The following CARF variants were observed in gnomAD, a reference collection of about 807,000 sequenced individuals.
CARF encodes calcium responsive transcription factor.
A neutral mutation model predicts 82.0 loss-of-function variants in CARF; 57 were observed. That is an observed-to-expected ratio of 0.70 (90% CI 0.56 to 0.87). The LOEUF (loss-of-function observed/expected upper bound fraction) is 0.87. Among genes scored for constraint, CARF ranks in the 40% least tolerant of loss-of-function variants. The probability of loss-of-function intolerance (pLI) is 0.00; values close to 1 mark genes in which losing one functional copy is unlikely to be tolerated. For synonymous variants in CARF, 268 were observed against 290.1 expected (o/e 0.92, Z 0.77); for missense variants, 771 against 855.8 (o/e 0.90, Z 1.24).
chr2:202,957,048 C>CA (rs2059084618), intron 8 of CARF, among the ~76,000 whole-genome samples: 1 of 152,168 alleles, frequency 6.6e-6, no homozygotes, highest in South Asian at 2.1e-4. Flanking sequence ...CTCAGCCTCC[C>CA]AAAGTGCTGG....
chr2:202,974,066 C>T (rs2059926951), intron 12 of CARF, among the ~76,000 whole-genome samples: 1 of 152,016 alleles, frequency 6.6e-6, no homozygotes, highest in African/African-American at 2.4e-5. Context: ...CCAGCCTGGG[C>T]GACAGAGCGA....
At position 202,972,674 on chromosome 2, in the gene CARF, TAAAAAAAAAAAA is replaced by T. The variant is rs35376227; in HGVS notation, c.1331+946_1331+957del. On this transcript the variant is annotated intron_variant, in intron 12 of 16. Transcript: ENST00000438828. ...CCTGGCTACAGAGCGAGACTCCGTC[TAAAAAAAAAAAA>T]AAAAAAAAAGGCAGTGGCAGAACTG... is the stretch of plus-strand genomic sequence containing the variant. Among the ~76,000 whole-genome samples, 385 of 103,012 alleles carry T rather than the reference TAAAAAAAAAAAA, an allele frequency of 3.7e-3. 2 individuals are homozygous for T. In the South Asian group the frequency reaches 0.038, roughly 10 times the overall value. The allele number at this position is 103,012 out of a possible 152,430, so 67.6% of individuals were successfully genotyped here. A position where few individuals can be genotyped will look rare whatever the true frequency, so the allele number is the denominator to read the frequency against.
rs1051779366 is a variant in CARF, at chr2:202,967,173, G to C, written c.953+75G>C. On this transcript the variant is annotated intron_variant, in intron 10 of 16. Transcript: ENST00000438828. ...ATAGCTAATACACATATTTTTATTA[G>C]GTTTATACAGTACCAAAAAGTATAC... is the stretch of plus-strand genomic sequence containing the variant. 5 of 1,475,190 alleles carry C rather than the reference G, an allele frequency of 3.4e-6. No homozygotes were observed. The African/African-American group carries it at 5.7e-5, about 17-fold the overall frequency. The allele number at this position is 1,475,190 out of a possible 1,614,324, so 91.4% of individuals were successfully genotyped here.
intron 3 of CARF, among the ~76,000 whole-genome samples, chr2:202,933,236 T>C (rs1273649109): frequency 6.6e-6 from 1 of 152,126 alleles, no homozygotes; most frequent in Non-Finnish European, 1.5e-5. Flanking sequence ...GTTGGGCCAC[T>C]GGGCTAGTGT....
rs886624895 is a variant in CARF, at chr2:202,971,701, G to T, written c.1294G>T (p.Gly432Ter). The T allele has an allele frequency of 1.9e-6, 3 of 1,613,272 alleles. No homozygotes were observed. The highest frequency in any genetic ancestry group is 2.5e-6 in the Non-Finnish European group (3 of 1,179,522). Residue 432 changes from glycine (G) to a stop codon, truncating the protein, a stop_gained, in exon 12 of 17, where the codon GGA becomes TGA. Coordinates refer to ENST00000438828, the MANE Select transcript of CARF (RefSeq NM_024744.17). LOFTEE classifies it high-confidence loss of function. ...AHKIQELVSQ[G>*]IEQVYAVRKQ... Reference sequence around the variant, plus strand: ...TAAGATTCAAGAATTAGTATCACAGGGAATAGAACAAGTGTATGCAGTAAG... The same window carrying T: ...TAAGATTCAAGAATTAGTATCACAGTGAATAGAACAAGTGTATGCAGTAAG...
At chr2:202,972,954 G>T (rs768777348) in intron 12 of CARF, among the ~76,000 whole-genome samples, 8 of 151,872 alleles carry the variant, frequency 5.3e-5, no homozygotes, top group African/African-American at 1.9e-4. Context: ...AACTTTTTTT[G>T]TAAAAGAAGC....
intron 3 of CARF, among the ~76,000 whole-genome samples, chr2:202,928,637 G>A (rs984703069): frequency 1.3e-5 from 2 of 151,940 alleles, no homozygotes; most frequent in Non-Finnish European, 2.9e-5. Flanking sequence ...GTTATTTTTT[G>A]TCTTTTTGAT....
At chr2:202,953,024 C>CT (rs907541061) in intron 6 of CARF, among the ~76,000 whole-genome samples, 11 of 150,960 alleles carry the variant, frequency 7.3e-5, no homozygotes, top group East Asian at 3.9e-4. Context: ...TTATTTATAT[C>CT]TTTTTTTTTG....
chr2:202,951,148 G>A (rs945134718), intron 5 of CARF, among the ~76,000 whole-genome samples: 2 of 151,924 alleles, frequency 1.3e-5, no homozygotes, highest in East Asian at 1.9e-4. Context: ...CCAGCCTCAA[G>A]TGATCCTCCC....
chr2:202,961,752 C>T, intron 9 of CARF: 1 of 366,766 alleles, frequency 2.7e-6, no homozygotes, highest in Admixed American at 4.3e-5. Flanking sequence ...GTGTTTTTCC[C>T]CTTCAGATTA....
intron 2 of CARF, among the ~76,000 whole-genome samples, chr2:202,921,977 C>CA (rs1461141766): frequency 6.6e-6 from 1 of 151,394 alleles, no homozygotes; most frequent in Non-Finnish European, 1.5e-5. Context: ...TATAGGCACT[C>CA]ACCACCATGC....
At chr2:202,966,471 G>C (rs543239099) in intron 9 of CARF, among the ~76,000 whole-genome samples, 1 of 152,292 alleles carries the variant, frequency 6.6e-6, no homozygotes, top group South Asian at 2.1e-4. Flanking sequence ...CAGCCCTTTG[G>C]GAGGCCAAGG....
chr2:202,935,024 T>C lies in CARF; in HGVS notation c.-43-6836T>C, dbSNP rs564631553. On this transcript the variant is annotated intron_variant, in intron 3 of 16. Coordinates refer to ENST00000438828, the MANE Select transcript of CARF (RefSeq NM_024744.17). ...CTGGAGAGGTAGAGGTTGCAGTGAG[T>C]GGAGATTGCGCCACTGCACCCCAGC... 2.7e-5 allele frequency among the ~76,000 whole-genome samples: 4 copies of C among 147,450 alleles called. No individual in the cohort carries two copies. The South Asian group carries it at 8.6e-4, about 32-fold the overall frequency.
chr2:202,941,422 T>C (rs979161605), intron 3 of CARF, among the ~76,000 whole-genome samples: 2 of 152,116 alleles, frequency 1.3e-5, no homozygotes, highest in African/African-American at 4.8e-5. Flanking sequence ...ATGGTAAAAA[T>C]TGTATATATA....
chr2:202,926,436 G>T (rs537410420), intron 3 of CARF, among the ~76,000 whole-genome samples: 93 of 152,302 alleles, frequency 6.1e-4, no homozygotes, highest in African/African-American at 2.1e-3. Flanking sequence ...TTTCTGGATT[G>T]TCTATTCTGT....
Position 202,986,897 on chromosome 2 carries a change from T to TAC in CARF, c.*3274_*3275insCA, listed in dbSNP as rs2060466105. ...ATATATATATATATATATATATATA[T>TAC]ATATATATATAGCAACTTGATGTAT... On this transcript the variant is annotated 3_prime_UTR_variant, in exon 17 of 17. Transcript: ENST00000438828. The TAC allele has an allele frequency of 7.4e-6, 1 of 135,938 alleles. No homozygotes were observed. The allele number at this position is 135,938 out of a possible 1,614,324, so 8.4% of individuals were successfully genotyped here.
intron 2 of CARF, among the ~76,000 whole-genome samples, chr2:202,918,405 C>T (rs1690137406): frequency 6.6e-6 from 1 of 152,106 alleles, no homozygotes; most frequent in African/African-American, 2.4e-5. Flanking sequence ...CCTATAGTCC[C>T]AGCTACTCTG....
intron 9 of CARF, among the ~76,000 whole-genome samples, chr2:202,965,317 G>A (rs933633473): frequency 2.0e-5 from 3 of 152,032 alleles, no homozygotes; most frequent in African/African-American, 7.2e-5. Context: ...ATCTGTATGT[G>A]TCTCTCTGTT....
chr2:202,963,859 G>A (rs2105891215), intron 9 of CARF, among the ~76,000 whole-genome samples: 1 of 152,280 alleles, frequency 6.6e-6, no homozygotes, highest in Non-Finnish European at 1.5e-5. Context: ...AGCTCAGGAG[G>A]TAATGCAAGT....
Sources: allele counts gnomAD v4.1 joint callset (sites outside exome capture counted in the v4.1 genomes callset), GRCh38; gene constraint gnomAD v4.1.1; transcripts MANE v1.5; gene names NCBI Gene and HGNC (gene_info 2026-07-23, HGNC 2026-07-21).